The following NDRG3 variants were observed in gnomAD, a reference collection of about 807,000 sequenced individuals.
NDRG3 encodes the protein protein NDRG3.
Under a neutral mutation model 57.2 loss-of-function variants are expected in NDRG3, and 23 were observed. The ratio of observed to expected loss-of-function variants is 0.40; its 90% CI spans 0.29 to 0.57. The LOEUF (loss-of-function observed/expected upper bound fraction) is 0.57, where lower values mean the gene tolerates loss of function less well. NDRG3 is among the 20% of genes least tolerant of loss of function. The pLI is 0.42. For synonymous variants in NDRG3, 132 were observed against 162.6 expected (o/e 0.81, Z 1.43); for missense variants, 384 against 457.3 (o/e 0.84, Z 1.46).
chr20:36,706,501 T>TTTTG (rs1304025633), intron 3 of NDRG3, among the ~76,000 whole-genome samples: 7 of 152,214 alleles, frequency 4.6e-5, no homozygotes, highest in East Asian at 1.9e-4. Context: ...AAATCAGTTT[T>TTTTG]TTTGTTTGTT....
At chr20:36,660,563 T>A (rs1439293782) in intron 12 of NDRG3, among the ~76,000 whole-genome samples, 179 bp from the exon 13 acceptor site, 1 of 150,502 alleles carries the variant, frequency 6.6e-6, no homozygotes, top group African/African-American at 2.5e-5. Context: ...TTTATTTATT[T>A]ATTTATTTTT....
chr20:36,706,853 C>G, intron 3 of NDRG3, 119 bp downstream of exon 3: 1 of 819,964 alleles, frequency 1.2e-6, no homozygotes, highest in African/African-American at 1.7e-5. Context: ...ACCAAACGAA[C>G]ATTAAGGACT....
At chr20:36,721,918 A>C in intron 1 of NDRG3, 135 bp from the exon 2 acceptor site, 1 of 542,606 alleles carries the variant, frequency 1.8e-6, no homozygotes, top group Middle Eastern at 4.7e-4. Flanking sequence ...AAAGACACAT[A>C]GTTACGGCAG....
intron 9 of NDRG3, among the ~76,000 whole-genome samples, chr20:36,670,858 T>A (rs757974557): frequency 7.9e-5 from 12 of 152,198 alleles, no homozygotes. Context: ...CACCTACCAA[T>A]TAAGCTCCCT....
intron 5 of NDRG3, among the ~76,000 whole-genome samples, chr20:36,687,198 T>TA (rs1318386592): frequency 1.4e-5 from 2 of 139,838 alleles, no homozygotes; most frequent in Admixed American, 7.8e-5. Context: ...AAGGGAAAGA[T>TA]AAAGACAGTG....
chr20:36,680,926 A>G, intron 7 of NDRG3, 24 bp from the exon 8 acceptor site: 1 of 1,595,908 alleles, frequency 6.3e-7, no homozygotes, highest in Non-Finnish European at 8.6e-7. Flanking sequence ...CAAAGACAAT[A>G]GTATGAAAGC....
At chr20:36,684,122 T>C (rs1981570076) in intron 6 of NDRG3, among the ~76,000 whole-genome samples, 1 of 152,216 alleles carries the variant, frequency 6.6e-6, no homozygotes, top group Admixed American at 6.5e-5. Context: ...TTGGCCCAGC[T>C]CAAGGTAGAT....
intron 13 of NDRG3, among the ~76,000 whole-genome samples, chr20:36,658,522 C>T (rs866543793): frequency 1.3e-5 from 2 of 152,174 alleles, no homozygotes; most frequent in South Asian, 2.1e-4. Context: ...GAACTACAGG[C>T]GTTTGTGGTA....
chr20:36,655,499 T>C (rs1021186148), intron 15 of NDRG3, among the ~76,000 whole-genome samples: 1 of 152,228 alleles, frequency 6.6e-6, no homozygotes, highest in African/African-American at 2.4e-5. Context: ...GCATATGATA[T>C]GGACACACCC....
chr20:36,690,926 G>C (rs1982217559), intron 3 of NDRG3, among the ~76,000 whole-genome samples: 1 of 152,278 alleles, frequency 6.6e-6, no homozygotes, highest in Non-Finnish European at 1.5e-5. Context: ...GCCGCACTAA[G>C]AGTGGTTGGG....
At chr20:36,693,201 T>C (rs1045265374) in intron 3 of NDRG3, among the ~76,000 whole-genome samples, 4 of 135,610 alleles carry the variant, frequency 2.9e-5, no homozygotes, top group African/African-American at 1.1e-4. Context: ...CACACACATA[T>C]ATATGTGTAT....
chr20:36,670,922 T>G (rs868076990), intron 9 of NDRG3, among the ~76,000 whole-genome samples: 1 of 152,192 alleles, frequency 6.6e-6, no homozygotes, highest in African/African-American at 2.4e-5. Context: ...GAAGACTTGT[T>G]TCCTCACCAG....
chr20:36,697,880 T>C (rs1225062225), intron 3 of NDRG3, among the ~76,000 whole-genome samples: 1 of 152,044 alleles, frequency 6.6e-6, no homozygotes, highest in Admixed American at 6.6e-5. Flanking sequence ...TGTCTACATA[T>C]AGTTTATACA....
At position 36,744,174 on chromosome 20, in the gene NDRG3, T is replaced by A. The variant is rs1986069164; in HGVS notation, c.-49+1871A>T. ...ACCTCGGCCTCCCAAAGTGCTGGGA[T>A]TACAGGCGTGAGCCGCAGCGCCCGG... On this transcript the variant is annotated intron_variant, in intron 1 of 15. Transcript: ENST00000349004. 2.6e-5 allele frequency among the ~76,000 whole-genome samples: 4 copies of A among 152,110 alleles called. 1 individual carries two copies. In the South Asian group the frequency reaches 8.3e-4, roughly 32 times the overall value.
chr20:36,701,497 ATCACG>A (rs1208258538), intron 3 of NDRG3, among the ~76,000 whole-genome samples: 2 of 151,360 alleles, frequency 1.3e-5, no homozygotes, highest in Non-Finnish European at 2.9e-5. Context: ...GTGAGCTATA[ATCACG>A]TCACTGCACC....
At chr20:36,733,203 T>TATATATATATATATATGC (rs1490119338) in intron 1 of NDRG3, among the ~76,000 whole-genome samples, 3 of 130,178 alleles carry the variant, frequency 2.3e-5, no homozygotes, top group East Asian at 5.4e-4. Flanking sequence ...TATATATATA[T>TATATATATATATATATGC]GCACATATAA....
intron 8 of NDRG3, among the ~76,000 whole-genome samples, chr20:36,675,914 T>C (rs1980650893): frequency 6.6e-6 from 1 of 152,136 alleles, no homozygotes; most frequent in Admixed American, 6.6e-5. Flanking sequence ...TTTACGGCAA[T>C]GTAAAAGTAC....
chr20:36,654,762 G>T, intron 15 of NDRG3: 1 of 779,568 alleles, frequency 1.3e-6, no homozygotes, highest in South Asian at 1.3e-5. Context: ...AGCCAGGAGA[G>T]ACTGGAAGGC....
chr20:36,671,732 A>G (rs6028684), intron 8 of NDRG3, among the ~76,000 whole-genome samples: 9,516 of 150,978 alleles, frequency 0.063, 1,057 homozygotes, highest in African/African-American at 0.22. Context: ...AACCTGGGAG[A>G]CAGAGCTTGC....
Sources: gnomAD v4.1 joint callset for allele counts (sites outside exome capture counted in the v4.1 genomes callset) on GRCh38, gnomAD v4.1.1 for gene constraint, MANE v1.5 for transcripts, NCBI Gene and HGNC (gene_info 2026-07-23, HGNC 2026-07-21) for gene names.